Variants in KCNT2 observed in about 807,000 individuals in gnomAD.
KCNT2 encodes potassium channel subfamily T member 2.
In KCNT2, 67 loss-of-function variants were observed where a neutral mutation model predicts 153.8. The ratio of observed to expected loss-of-function variants is 0.44; its 90% CI spans 0.36 to 0.53. The LOEUF (loss-of-function observed/expected upper bound fraction) is 0.53, where lower values mean the gene tolerates loss of function less well. Among genes scored for constraint, KCNT2 ranks in the 20% least tolerant of loss-of-function variants. The pLI is 0.00. For missense variants in KCNT2, 975 were observed against 1,354.8 expected (o/e 0.72, Z 4.40); for synonymous variants, 500 against 458.8 (o/e 1.09, Z -1.15).
chr1:196,503,918 G>C (rs943424663), intron 1 of KCNT2, among the ~76,000 whole-genome samples: 1 of 152,116 alleles, frequency 6.6e-6, no homozygotes, highest in African/African-American at 2.4e-5. Context: ...ATGTCTTTAA[G>C]ATTTCTCTTA....
chr1:196,481,714 A>C (rs1371696198), intron 4 of KCNT2, among the ~76,000 whole-genome samples: 2 of 152,232 alleles, frequency 1.3e-5, no homozygotes, highest in African/African-American at 4.8e-5. Flanking sequence ...GTAGGAAACA[A>C]AACAAAACAA....
chr1:196,422,177 G>A (rs114450798), intron 12 of KCNT2, among the ~76,000 whole-genome samples: 2,101 of 152,088 alleles, frequency 0.014, 61 homozygotes, highest in African/African-American at 0.048. Flanking sequence ...GTAAATTAGA[G>A]TGAGGACAAC....
intron 25 of KCNT2, among the ~76,000 whole-genome samples, chr1:196,263,706 A>T (rs1440773906): frequency 1.3e-5 from 2 of 152,208 alleles, no homozygotes; most frequent in Non-Finnish European, 2.9e-5. Flanking sequence ...CTATTAAGAG[A>T]TAATATTAAA....
At chr1:196,297,136 ATGTG>A (rs370733276) in intron 22 of KCNT2, among the ~76,000 whole-genome samples, 4 of 149,814 alleles carry the variant, frequency 2.7e-5, no homozygotes, top group South Asian at 2.1e-4. Flanking sequence ...CTTTCTGTAG[ATGTG>A]TGTGTGTGTG....
chr1:196,554,653 C>T (rs1158819914), intron 1 of KCNT2, among the ~76,000 whole-genome samples: 1 of 151,128 alleles, frequency 6.6e-6, no homozygotes, highest in East Asian at 1.9e-4. Flanking sequence ...CCAGTATTGC[C>T]CTGTTACCAA....
chr1:196,508,189 C>CAA (rs10539910), intron 1 of KCNT2, among the ~76,000 whole-genome samples: 34 of 59,980 alleles, frequency 5.7e-4, no homozygotes, highest in African/African-American at 1.6e-3. Flanking sequence ...CCCTAAGTAG[C>CAA]AAAAAAAAAA....
At chr1:196,309,244 T>C (rs1661928487) in intron 21 of KCNT2, among the ~76,000 whole-genome samples, 1 of 152,158 alleles carries the variant, frequency 6.6e-6, no homozygotes, top group South Asian at 2.1e-4. Context: ...GGAACATTTT[T>C]ATTTCCCTTA....
chr1:196,552,472 A>C (rs1658045447), intron 1 of KCNT2, among the ~76,000 whole-genome samples: 1 of 151,452 alleles, frequency 6.6e-6, no homozygotes, highest in Non-Finnish European at 1.5e-5. Flanking sequence ...GACAACCAAA[A>C]GCTGAGGGAT....
intron 1 of KCNT2, among the ~76,000 whole-genome samples, chr1:196,586,507 A>C (rs563572575): frequency 6.6e-6 from 1 of 152,246 alleles, no homozygotes; most frequent in African/African-American, 2.4e-5. Context: ...CTAGAATAAT[A>C]AGAATTCTTA....
At chr1:196,332,424 A>T (rs534785899) in intron 17 of KCNT2, among the ~76,000 whole-genome samples, 1 of 152,100 alleles carries the variant, frequency 6.6e-6, no homozygotes, top group African/African-American at 2.4e-5. Flanking sequence ...TTGACCATTA[A>T]TGTCTTTGAA....
Position 196,323,964 on chromosome 1 carries a change from T to TA in KCNT2, c.2276+2752dup, listed in dbSNP as rs202104374. Among the ~76,000 whole-genome samples the TA allele has an allele frequency of 8.8e-3, 1,214 of 137,422 alleles. 4 individuals are homozygous for TA. The highest frequency in any genetic ancestry group is 0.017 in the African/African-American group (631 of 37,772). 90.2% of individuals were successfully genotyped at this position (137,422 alleles called of 152,430 possible). On this transcript the variant is annotated intron_variant, in intron 19 of 27. Transcript: ENST00000294725. ...TTCAGAGCAACAGGCATCTAATTGTTAAAAAAAAAAAAAAAGAATTGCATA... is the reference window on the plus strand; with the variant it reads ...TTCAGAGCAACAGGCATCTAATTGTTAAAAAAAAAAAAAAAAGAATTGCATA...
At chr1:196,378,516 G>A (rs976216302) in intron 13 of KCNT2, among the ~76,000 whole-genome samples, 17 of 151,678 alleles carry the variant, frequency 1.1e-4, no homozygotes, top group African/African-American at 3.1e-4. Flanking sequence ...TTTTAGTGGC[G>A]CTATATGAAT....
chr1:196,567,055 A>G (rs527368021), intron 1 of KCNT2, among the ~76,000 whole-genome samples: 1 of 152,288 alleles, frequency 6.6e-6, no homozygotes, highest in East Asian at 1.9e-4. Context: ...ACATCAGTTG[A>G]AAGTTATTAT....
chr1:196,268,499 G>C (rs900271210), intron 25 of KCNT2, among the ~76,000 whole-genome samples: 4 of 152,040 alleles, frequency 2.6e-5, no homozygotes, highest in African/African-American at 4.8e-5. Context: ...GCTTCACGGA[G>C]CATTTTATTA....
chr1:196,457,263 T>G (rs1028846671), intron 8 of KCNT2, among the ~76,000 whole-genome samples: 3 of 151,574 alleles, frequency 2.0e-5, no homozygotes. Flanking sequence ...TAATAATAAT[T>G]TATTGGTTCA....
chr1:196,354,966 C>A (rs74375398), intron 14 of KCNT2, among the ~76,000 whole-genome samples: 2 of 151,770 alleles, frequency 1.3e-5, no homozygotes, highest in East Asian at 3.9e-4. Flanking sequence ...CACAGTTTAG[C>A]CACTGTAGGT....
chr1:196,296,791 T>C (rs1660711915), intron 22 of KCNT2, among the ~76,000 whole-genome samples: 1 of 152,142 alleles, frequency 6.6e-6, no homozygotes, highest in South Asian at 2.1e-4. Flanking sequence ...TTCAGTTCTC[T>C]CTGCCTTGAA....
In KCNT2 at chr1:196,423,076, G is replaced by A. The variant is rs763311319; in HGVS notation, c.1159C>T (p.Arg387Cys). 1.9e-6 allele frequency: 3 copies of A among 1,603,854 alleles called. No homozygotes were observed. Among genetic ancestry groups the A allele is most frequent in the Non-Finnish European group, 2.6e-6 (3 of 1,173,950 alleles). The change falls in exon 12 of 28, where the codon CGT (arginine) becomes TGT (cysteine). Residue 387 changes from arginine to cysteine, a missense_variant. Coordinates refer to ENST00000294725, the MANE Select transcript of KCNT2 (RefSeq NM_198503.5). ...GATGATGTCCTATCCACTTCACAACGGCTACTGAGAATAAAACAGGCCTCA... is the reference window on the plus strand; with the variant it reads ...GATGATGTCCTATCCACTTCACAACAGCTACTGAGAATAAAACAGGCCTCA... ...DAEACFILSS[R>C]CEVDRTSSDH...
chr1:196,236,565 C>T (rs888775238), intron 26 of KCNT2, among the ~76,000 whole-genome samples: 4 of 151,488 alleles, frequency 2.6e-5, no homozygotes, highest in African/African-American at 9.7e-5. Context: ...TTTGGCTTCA[C>T]TACATGACAC....
Sources: gnomAD v4.1 joint callset for allele counts (sites outside exome capture counted in the v4.1 genomes callset) on GRCh38, gnomAD v4.1.1 for gene constraint, MANE v1.5 for transcripts, NCBI Gene and HGNC (gene_info 2026-07-23, HGNC 2026-07-21) for gene names.